BICC1: variants seen among roughly 807,000 people sequenced by gnomAD.
BICC1 encodes the protein protein bicaudal C homolog 1.
BICC1 carries 43 observed loss-of-function variants against 111.0 expected under a neutral mutation model. That is an observed-to-expected ratio of 0.39 (90% CI 0.30 to 0.50). The LOEUF (loss-of-function observed/expected upper bound fraction) is 0.50, where lower values mean the gene tolerates loss of function less well. BICC1 is among the 20% of genes least tolerant of loss of function. BICC1 has a pLI of 0.88. For synonymous variants in BICC1, 467 were observed against 434.4 expected (o/e 1.07, Z -0.93); for missense variants, 1,091 against 1,203.2 (o/e 0.91, Z 1.38).
chr10:58,763,886 C>A (rs1248065241), intron 3 of BICC1, among the ~76,000 whole-genome samples: 1 of 151,692 alleles, frequency 6.6e-6, no homozygotes, highest in Non-Finnish European at 1.5e-5. Flanking sequence ...CAAGTAGACG[C>A]CCTAGGCAAA....
chr10:58,646,670 A>G (rs149008237), intron 2 of BICC1, among the ~76,000 whole-genome samples: 4 of 152,162 alleles, frequency 2.6e-5, no homozygotes, highest in African/African-American at 4.8e-5. Flanking sequence ...TAGGAAACTC[A>G]TAGCCGAAAT....
chr10:58,802,050 T>G (rs1034737248), intron 14 of BICC1, among the ~76,000 whole-genome samples: 1 of 152,226 alleles, frequency 6.6e-6, no homozygotes, highest in African/African-American at 2.4e-5. Context: ...ATTAGCTTGA[T>G]CTATCCTTTA....
At chr10:58,548,013 C>G (rs139306137) in intron 1 of BICC1, among the ~76,000 whole-genome samples, 3 of 152,266 alleles carry the variant, frequency 2.0e-5, no homozygotes, top group African/African-American at 7.2e-5. Flanking sequence ...CTTCTAGGCT[C>G]TTTCAGCTGA....
chr10:58,687,631 C>G (rs1476652548), intron 2 of BICC1, among the ~76,000 whole-genome samples: 1 of 152,218 alleles, frequency 6.6e-6, no homozygotes, highest in Non-Finnish European at 1.5e-5. Flanking sequence ...GCTGTGCTGG[C>G]AGTGAGTGAG....
At chr10:58,516,721 A>T (rs961301279) in intron 1 of BICC1, among the ~76,000 whole-genome samples, 2 of 152,178 alleles carry the variant, frequency 1.3e-5, no homozygotes, top group Non-Finnish European at 2.9e-5. Flanking sequence ...TCTTTATTTA[A>T]TACTGATCTT....
chr10:58,531,326 A>G (rs549054010), intron 1 of BICC1, among the ~76,000 whole-genome samples: 59 of 151,934 alleles, frequency 3.9e-4, no homozygotes, highest in African/African-American at 1.4e-3. Flanking sequence ...CCTGAAAAAG[A>G]AACCAGAAAA....
chr10:58,581,033 T>C (rs1283170645), intron 1 of BICC1, among the ~76,000 whole-genome samples: 2 of 152,184 alleles, frequency 1.3e-5, no homozygotes. Flanking sequence ...TTACTAGATA[T>C]GTCTAAGAAT....
chr10:58,815,920 A>G lies in BICC1; in HGVS notation c.2534-1642A>G, dbSNP rs185919828. Among the ~76,000 whole-genome samples, 220 of 152,284 alleles carry G rather than the reference A, an allele frequency of 1.4e-3. 1 individual carries two copies. The highest frequency in any genetic ancestry group is 4.5e-3 in the Admixed American group (68 of 15,280). On this transcript the variant is annotated intron_variant, in intron 18 of 20. Transcript: ENST00000373886. ...AATCTGCAGTGTATTGTGTACTGAC[A>G]GAGCATTTTCATTCCCACTAGGCTC...
At chr10:58,578,986 C>T (rs931565089) in intron 1 of BICC1, among the ~76,000 whole-genome samples, 4 of 152,200 alleles carry the variant, frequency 2.6e-5, no homozygotes, top group Admixed American at 2.6e-4. Flanking sequence ...AACAAATCCT[C>T]ATGATATCTA....
chr10:58,760,853 A>C (rs1198850169), intron 3 of BICC1, among the ~76,000 whole-genome samples: 2 of 152,282 alleles, frequency 1.3e-5, no homozygotes, highest in Admixed American at 1.3e-4. Flanking sequence ...TATAGAAAAG[A>C]CTTACTTTGC....
At chr10:58,598,983 C>T (rs892403693) in intron 1 of BICC1, among the ~76,000 whole-genome samples, 9 of 152,054 alleles carry the variant, frequency 5.9e-5, no homozygotes, top group Non-Finnish European at 8.8e-5. Flanking sequence ...GAATGGCGAT[C>T]GTTAAAAAGT....
chr10:58,565,028 A>G (rs1843714464), intron 1 of BICC1, among the ~76,000 whole-genome samples: 1 of 152,124 alleles, frequency 6.6e-6, no homozygotes, highest in South Asian at 2.1e-4. Flanking sequence ...CATCAGAGAA[A>G]CTTTTATTGT....
chr10:58,620,719 A>G, intron 1 of BICC1, 136 bp from the exon 2 acceptor site: 2 of 687,102 alleles, frequency 2.9e-6, no homozygotes, highest in Admixed American at 2.6e-5. Flanking sequence ...CCAGTGAGGC[A>G]TATTAGCAGG....
intron 1 of BICC1, among the ~76,000 whole-genome samples, chr10:58,525,276 T>C (rs11006174): frequency 0.16 from 13,815 of 84,372 alleles, 1,779 homozygotes; most frequent in Middle Eastern, 0.32. Flanking sequence ...ATGTTTATTG[T>C]GGCACTATTC....
intron 2 of BICC1, among the ~76,000 whole-genome samples, chr10:58,642,906 G>A (rs1838166287): frequency 6.6e-6 from 1 of 151,942 alleles, no homozygotes; most frequent in Non-Finnish European, 1.5e-5. Context: ...TGGGGTCTTT[G>A]TTGCCCAGGC....
chr10:58,701,608 C>T (rs79239663), intron 2 of BICC1, among the ~76,000 whole-genome samples: 34 of 152,048 alleles, frequency 2.2e-4, no homozygotes, highest in African/African-American at 8.2e-4. Context: ...CAAATGCACC[C>T]AAAGCAAGTT....
intron 9 of BICC1, 102 bp from the exon 10 acceptor site, chr10:58,796,238 G>A: frequency 4.1e-6 from 4 of 965,640 alleles, no homozygotes; most frequent in Non-Finnish European, 6.3e-6. Context: ...TCCCCTGAGT[G>A]GAATTCTTAT....
At chr10:58,800,034 G>T (rs1205649361) in intron 12 of BICC1, among the ~76,000 whole-genome samples, 160 bp from the exon 13 acceptor site, 1 of 152,060 alleles carries the variant, frequency 6.6e-6, no homozygotes, top group African/African-American at 2.4e-5. Flanking sequence ...TTTCAGCAGT[G>T]TTTTGTAGTT....
At chr10:58,573,556 G>C (rs888777888) in intron 1 of BICC1, among the ~76,000 whole-genome samples, 1 of 152,120 alleles carries the variant, frequency 6.6e-6, no homozygotes, top group African/African-American at 2.4e-5. Flanking sequence ...TAGATGGCAA[G>C]GTAAGGGCTG....
Sources: gnomAD v4.1 joint callset for allele counts (sites outside exome capture counted in the v4.1 genomes callset) on GRCh38, gnomAD v4.1.1 for gene constraint, MANE v1.5 for transcripts, NCBI Gene and HGNC (gene_info 2026-07-23, HGNC 2026-07-21) for gene names.